The following STAG1 variants were observed in gnomAD, a reference collection of about 807,000 sequenced individuals.
The protein encoded by STAG1 is cohesin subunit SA-1.
In STAG1, 26 loss-of-function variants were observed where a neutral mutation model predicts 170.9. The observed-to-expected ratio is 0.15, with a 90% CI of 0.11 to 0.21. The LOEUF (loss-of-function observed/expected upper bound fraction) is 0.21, where lower values mean the gene tolerates loss of function less well. STAG1 is among the 10% of genes least tolerant of loss of function. STAG1 has a pLI of 1.00. For synonymous variants in STAG1, 514 were observed against 497.7 expected (o/e 1.03, Z -0.44); for missense variants, 964 against 1,509.5 (o/e 0.64, Z 5.99).
chr3:136,525,220 C>G (rs577045545), intron 6 of STAG1, among the ~76,000 whole-genome samples: 192 of 152,196 alleles, frequency 1.3e-3, no homozygotes, highest in Non-Finnish European at 2.1e-3. Flanking sequence ...GAATCCATCT[C>G]GTCCTGGACT....
intron 3 of STAG1, among the ~76,000 whole-genome samples, chr3:136,613,313 C>CAAAAAAAAAA (rs60449608): frequency 0.017 from 1,006 of 59,712 alleles, 126 homozygotes; most frequent in Admixed American, 0.02. Flanking sequence ...GACTCCGTCT[C>CAAAAAAAAAA]AAAAAAAAAA....
intron 1 of STAG1, among the ~76,000 whole-genome samples, chr3:136,704,821 CAAAAAAA>C (rs67207510): frequency 5.4e-4 from 28 of 51,430 alleles, no homozygotes; most frequent in African/African-American, 1.5e-3. Flanking sequence ...GTCCCTGTCT[CAAAAAAA>C]AAAAAAAAAA....
At chr3:136,492,729 T>A (rs1232603472) in intron 9 of STAG1, among the ~76,000 whole-genome samples, 1 of 152,080 alleles carries the variant, frequency 6.6e-6, no homozygotes, top group Admixed American at 6.5e-5. Context: ...TGCAAGGGAA[T>A]AACACGATAC....
At chr3:136,471,169 T>C (rs1278136720) in intron 12 of STAG1, among the ~76,000 whole-genome samples, 1 of 151,286 alleles carries the variant, frequency 6.6e-6, no homozygotes, top group Non-Finnish European at 1.5e-5. Flanking sequence ...GCAGTTTTAA[T>C]GTGCTATGAT....
At chr3:136,694,613 T>TAAAAAAAAAAAAAA (rs386398002) in intron 1 of STAG1, among the ~76,000 whole-genome samples, 1 of 135,326 alleles carries the variant, frequency 7.4e-6, no homozygotes. Flanking sequence ...CCCATCTCTT[T>TAAAAAAAAAAAAAA]AAAAAAAAAA....
At chr3:136,616,404 T>C (rs1304374417) in intron 3 of STAG1, among the ~76,000 whole-genome samples, 1 of 152,078 alleles carries the variant, frequency 6.6e-6, no homozygotes, top group Non-Finnish European at 1.5e-5. Context: ...GTCTTTAACA[T>C]AATTAAGGAA....
chr3:136,569,348 A>G (rs1367290408), intron 4 of STAG1, among the ~76,000 whole-genome samples: 5 of 151,916 alleles, frequency 3.3e-5, no homozygotes, highest in African/African-American at 9.7e-5. Context: ...AAAAAGAAAA[A>G]TAAAACAATT....
chr3:136,447,050 C>T (rs1284569971), intron 14 of STAG1, among the ~76,000 whole-genome samples: 3 of 151,654 alleles, frequency 2.0e-5, no homozygotes, highest in Non-Finnish European at 2.9e-5. Flanking sequence ...GTAATCCACC[C>T]GCCTCGGCCT....
At chr3:136,462,894 AAG>A (rs2089313183) in intron 13 of STAG1, among the ~76,000 whole-genome samples, 1 of 152,190 alleles carries the variant, frequency 6.6e-6, no homozygotes, top group Admixed American at 6.5e-5. Flanking sequence ...TTTCTAACTC[AAG>A]AGTTACCAGT....
At chr3:136,470,463 G>C (rs548950662) in intron 12 of STAG1, among the ~76,000 whole-genome samples, 1 of 152,106 alleles carries the variant, frequency 6.6e-6, no homozygotes, top group African/African-American at 2.4e-5. Context: ...TTACAATGGC[G>C]ATCATTAAAA....
At chr3:136,739,095 A>G (rs966112766) in intron 1 of STAG1, among the ~76,000 whole-genome samples, 1 of 152,222 alleles carries the variant, frequency 6.6e-6, no homozygotes, top group African/African-American at 2.4e-5. Flanking sequence ...GTATTTCAAC[A>G]TGCAGAAATG....
At chr3:136,732,709 A>G (rs1934112021) in intron 1 of STAG1, among the ~76,000 whole-genome samples, 1 of 151,904 alleles carries the variant, frequency 6.6e-6, no homozygotes, top group Admixed American at 6.6e-5. Flanking sequence ...TCCCAGTTTC[A>G]AGTGATTCGC....
At chr3:136,454,914 A>C (rs550998467) in intron 13 of STAG1, among the ~76,000 whole-genome samples, 141 of 152,256 alleles carry the variant, frequency 9.3e-4, no homozygotes, top group African/African-American at 3.1e-3. Flanking sequence ...CTGATCATGG[A>C]ACTCCTGGGG....
intron 1 of STAG1, among the ~76,000 whole-genome samples, chr3:136,686,134 G>A (rs1341025488): frequency 6.6e-6 from 1 of 152,114 alleles, no homozygotes; most frequent in African/African-American, 2.4e-5. Flanking sequence ...TTGGCAGCTG[G>A]GCTTGGAAGA....
At chr3:136,655,727 G>A (rs993636706) in intron 1 of STAG1, among the ~76,000 whole-genome samples, 1 of 151,612 alleles carries the variant, frequency 6.6e-6, no homozygotes, top group South Asian at 2.1e-4. Flanking sequence ...CACACCATCT[G>A]CACTCCAGCC....
intron 13 of STAG1, among the ~76,000 whole-genome samples, chr3:136,463,599 T>C (rs761847186): frequency 8.6e-5 from 13 of 151,220 alleles, no homozygotes; most frequent in Non-Finnish European, 1.5e-4. Flanking sequence ...ATTAATCAAC[T>C]GGGTACAGTG....
At chr3:136,619,548 G>A (rs961637189) in intron 3 of STAG1, among the ~76,000 whole-genome samples, 27 of 151,594 alleles carry the variant, frequency 1.8e-4, no homozygotes, top group African/African-American at 3.6e-4. Context: ...ACTTCAGGTC[G>A]GGAGTTCAAG....
intron 5 of STAG1, among the ~76,000 whole-genome samples, chr3:136,555,154 T>C (rs888954497): frequency 4.0e-5 from 6 of 149,132 alleles, no homozygotes; most frequent in Admixed American, 2.0e-4. Context: ...TAAACAACTT[T>C]ATAAATTTTA....
intron 10 of STAG1, among the ~76,000 whole-genome samples, chr3:136,475,044 G>A (rs1224704358): frequency 6.6e-6 from 1 of 151,242 alleles, no homozygotes; most frequent in Non-Finnish European, 1.5e-5. Flanking sequence ...CAATCTCCCT[G>A]TGAGATCAGG....
Sources: allele counts gnomAD v4.1 joint callset (sites outside exome capture counted in the v4.1 genomes callset), GRCh38; gene constraint gnomAD v4.1.1; transcripts MANE v1.5; gene names NCBI Gene and HGNC (gene_info 2026-07-23, HGNC 2026-07-21).